The following STK39 variants were observed in gnomAD, a reference collection of about 807,000 sequenced individuals.
STK39 encodes serine/threonine kinase 39.
A neutral mutation model predicts 77.8 loss-of-function variants in STK39; 20 were observed. That is an observed-to-expected ratio of 0.26 (90% confidence interval 0.18 to 0.37). The LOEUF is 0.37. Ranked by LOEUF, STK39 falls within the 10% of genes least tolerant of loss-of-function variation. STK39 has a pLI of 1.00. For synonymous variants in STK39, 246 were observed against 234.1 expected (o/e 1.05, Z -0.47); for missense variants, 479 against 656.5 (o/e 0.73, Z 2.95).
chr2:168,091,150 GCACACACA>G (rs71927823), intron 10 of STK39, among the ~76,000 whole-genome samples: 82 of 147,648 alleles, frequency 5.6e-4, no homozygotes, highest in East Asian at 4.0e-3. Flanking sequence ...ACAAACAGGT[GCACACACA>G]CACACACACA....
intron 10 of STK39, among the ~76,000 whole-genome samples, chr2:168,102,620 A>T (rs1181918816): frequency 1.3e-5 from 2 of 152,128 alleles, no homozygotes; most frequent in East Asian, 3.9e-4. Context: ...TGGGACCATG[A>T]ATTTATACTG....
intron 17 of STK39, among the ~76,000 whole-genome samples, chr2:167,962,777 G>T (rs902103824): frequency 1.3e-5 from 2 of 152,182 alleles, no homozygotes; most frequent in Non-Finnish European, 2.9e-5. Context: ...GGCTGCAGGG[G>T]TCTGCCTCCA....
At chr2:168,169,793 TC>T (rs1180461734) in intron 2 of STK39, among the ~76,000 whole-genome samples, 2 of 151,930 alleles carry the variant, frequency 1.3e-5, no homozygotes, top group East Asian at 3.9e-4. Context: ...GGATGAGGGG[TC>T]ACAGATACTG....
intron 17 of STK39, among the ~76,000 whole-genome samples, chr2:167,962,049 CCT>C (rs1490640930): frequency 1.3e-5 from 2 of 152,134 alleles, no homozygotes; most frequent in East Asian, 1.9e-4. Flanking sequence ...CCAGTGCTCC[CCT>C]GAGTGAAACC....
At chr2:168,063,625 T>C in intron 13 of STK39, 55 bp from the exon 14 acceptor site, 3 of 1,401,142 alleles carry the variant, frequency 2.1e-6, no homozygotes, top group Non-Finnish European at 3.0e-6. Flanking sequence ...AAGGAATGAA[T>C]AAAATCACAA....
At position 168,062,153 on chromosome 2, in the gene STK39, C is replaced by T. The variant is rs77966898; in HGVS notation, c.1376+1347G>A. 8.7e-3 allele frequency among the ~76,000 whole-genome samples: 1,325 copies of T among 152,294 alleles called. 20 individuals carry two copies. The highest frequency in any genetic ancestry group is 0.03 in the African/African-American group (1,266 of 41,570). Reference sequence around the variant, plus strand: ...GATTAGACTGTTGGATTCTAAAGGTCACTTCCAACACTGCATGCTCAGTGG... The same window carrying T: ...GATTAGACTGTTGGATTCTAAAGGTTACTTCCAACACTGCATGCTCAGTGG... On this transcript the variant is annotated intron_variant, in intron 14 of 17. Coordinates refer to ENST00000355999, the MANE Select transcript of STK39 (RefSeq NM_013233.3).
At chr2:168,167,232 C>A in intron 3 of STK39, 67 bp downstream of exon 3, 1 of 1,339,534 alleles carries the variant, frequency 7.5e-7, no homozygotes, top group South Asian at 1.2e-5. Context: ...AAGTCTTCTC[C>A]AATATGCTGG....
chr2:168,136,611 TATAATAACCTA>T (rs1161680167), intron 8 of STK39, among the ~76,000 whole-genome samples: 1 of 152,192 alleles, frequency 6.6e-6, no homozygotes. Flanking sequence ...GAAGACCATC[TATAATAACCTA>T]GTACTAACTG....
chr2:168,030,512 A>T (rs1195944145), intron 14 of STK39, among the ~76,000 whole-genome samples: 1 of 152,218 alleles, frequency 6.6e-6, no homozygotes, highest in African/African-American at 2.4e-5. Context: ...AATTATATTA[A>T]AGATTAGCAA....
intron 10 of STK39, among the ~76,000 whole-genome samples, chr2:168,086,069 A>G (rs1188616369): frequency 6.6e-6 from 1 of 152,190 alleles, no homozygotes; most frequent in Non-Finnish European, 1.5e-5. Flanking sequence ...GAGACTTACT[A>G]AAGGACTGCT....
At chr2:167,963,580 G>C (rs1692061670) in intron 17 of STK39, among the ~76,000 whole-genome samples, 1 of 148,572 alleles carries the variant, frequency 6.7e-6, no homozygotes, top group African/African-American at 2.5e-5. Flanking sequence ...AACCAGAAAA[G>C]GGATTTTCCT....
At chr2:168,060,432 A>G (rs1685635243) in intron 14 of STK39, among the ~76,000 whole-genome samples, 1 of 152,230 alleles carries the variant, frequency 6.6e-6, no homozygotes, top group African/African-American at 2.4e-5. Flanking sequence ...GTGAGGACTC[A>G]GTAAGCAGAC....
At chr2:168,100,100 G>A (rs1324611589) in intron 10 of STK39, among the ~76,000 whole-genome samples, 5 of 152,268 alleles carry the variant, frequency 3.3e-5, no homozygotes, top group South Asian at 2.1e-4. Flanking sequence ...GCAGGGCCAC[G>A]AATCAATTTT....
At chr2:167,990,827 T>A (rs546215607) in intron 16 of STK39, among the ~76,000 whole-genome samples, 2 of 152,230 alleles carry the variant, frequency 1.3e-5, no homozygotes, top group African/African-American at 4.8e-5. Context: ...GGTCAACAAA[T>A]TCCTGCGTAC....
At chr2:168,215,315 A>G (rs1477926982) in intron 1 of STK39, among the ~76,000 whole-genome samples, 5 of 151,932 alleles carry the variant, frequency 3.3e-5, no homozygotes, top group Non-Finnish European at 7.4e-5. Context: ...TACAGGGGAG[A>G]AAAAAAACGT....
intron 3 of STK39, among the ~76,000 whole-genome samples, chr2:168,164,229 G>C (rs1307132750): frequency 6.6e-6 from 1 of 152,112 alleles, no homozygotes; most frequent in Admixed American, 6.6e-5. Context: ...AACTGACAAA[G>C]AAAGGAGTAT....
chr2:168,140,521 T>C, intron 6 of STK39, 128 bp downstream of exon 6: 1 of 1,152,488 alleles, frequency 8.7e-7, no homozygotes, highest in Non-Finnish European at 1.3e-6. Context: ...TAGCTAGCAA[T>C]TGAGAATTAA....
intron 10 of STK39, among the ~76,000 whole-genome samples, chr2:168,111,669 G>A (rs1162106727): frequency 6.6e-6 from 1 of 152,128 alleles, no homozygotes; most frequent in African/African-American, 2.4e-5. Context: ...TCTAAAACAA[G>A]CAAAATTCAT....
At chr2:167,974,402 A>C (rs999699234) in intron 16 of STK39, among the ~76,000 whole-genome samples, 1 of 152,126 alleles carries the variant, frequency 6.6e-6, no homozygotes, top group African/African-American at 2.4e-5. Flanking sequence ...GATGCTACAG[A>C]GGGCCCCTGA....
Sources: allele counts gnomAD v4.1 joint callset (sites outside exome capture counted in the v4.1 genomes callset), GRCh38; gene constraint gnomAD v4.1.1; transcripts MANE v1.5; gene names NCBI Gene and HGNC (gene_info 2026-07-23, HGNC 2026-07-21).